Variants in USP25 observed in about 807,000 individuals in gnomAD.
The protein encoded by USP25 is ubiquitin specific peptidase 25.
In USP25, 85 loss-of-function variants were observed where a neutral mutation model predicts 158.5. The ratio of observed to expected loss-of-function variants is 0.54; its 90% CI spans 0.45 to 0.64. The LOEUF (loss-of-function observed/expected upper bound fraction) is 0.64, where lower values mean the gene tolerates loss of function less well. USP25 is among the 30% of genes least tolerant of loss of function. The pLI is 0.00. For synonymous variants in USP25, 464 were observed against 460.4 expected (o/e 1.01, Z -0.10); for missense variants, 1,242 against 1,327.3 (o/e 0.94, Z 1.00).
rs1013278716 is a variant in USP25 at position 15,843,392 on chromosome 21, C to G, written c.2337+852C>G. 1.3e-5 allele frequency among the ~76,000 whole-genome samples: 2 copies of G among 152,056 alleles called. No individual in the cohort carries two copies. Among genetic ancestry groups the G allele is most frequent in the Non-Finnish European group, 2.9e-5 (2 of 67,988 alleles). On this transcript the variant is annotated intron_variant, in intron 18 of 25. Transcript: ENST00000400183. The surrounding 1 kb of genome is among the most constrained non-coding windows in gnomAD (Gnocchi z 4.0). The stretch of plus-strand genomic sequence containing the variant: ...TTCTGCTTAGTAAGTGAATTCAGTG[C>G]CAGCAATAACCTGCTAATTGCAATG...
chr21:15,810,988 A>G (rs1009803623), intron 8 of USP25, 149 bp from the exon 9 acceptor site: 2 of 633,978 alleles, frequency 3.2e-6, no homozygotes, highest in Admixed American at 3.1e-5. Flanking sequence ...ACCTTGTGCA[A>G]CGTGGCACTG....
rs1309141938 is a variant in USP25, at chr21:15,878,355, T to A, written c.3258T>A (p.Ser1086=). 1 of 1,614,110 alleles carries A rather than the reference T, an allele frequency of 6.2e-7. No individual in the cohort carries two copies. The highest frequency in any genetic ancestry group is 1.1e-5 in the South Asian group (1 of 91,068). ...TTTTGCCAAAACTGCTTGATTGTTC[T>A]ATGGAGATTAAAAGTTTCCATGAGC... The part of the protein sequence containing the change: ...TDFLPKLLDC[S]MEIKSFHEPP... Residue 1086 remains serine (S), a synonymous_variant, in exon 26 of 26, where the codon TCT becomes TCA. Coordinates refer to ENST00000400183, the MANE Select transcript of USP25 (RefSeq NM_001283041.3).
chr21:15,742,312 A>G (rs564644590), intron 1 of USP25, among the ~76,000 whole-genome samples: 16 of 152,166 alleles, frequency 1.1e-4, no homozygotes, highest in Middle Eastern at 6.8e-3. Context: ...AGTGGGATAG[A>G]TGTGCTGGGG....
chr21:15,873,080 C>T (rs1196277921), intron 23 of USP25, among the ~76,000 whole-genome samples: 4 of 151,874 alleles, frequency 2.6e-5, no homozygotes, highest in South Asian at 4.2e-4. Context: ...AAAAGTAATT[C>T]TTTATTAAAT....
rs888286897 is a variant in USP25 at position 15,766,720 on chromosome 21, T to G, written c.268+579T>G. Among the ~76,000 whole-genome samples, 9 of 152,208 alleles carry G rather than the reference T, an allele frequency of 5.9e-5. No homozygotes were observed. The highest frequency in any genetic ancestry group is 1.3e-4 in the Non-Finnish European group (9 of 67,942). Reference sequence around the variant, plus strand: ...GGGACTTAAGTTTTTCTTCATAATATGAATACTTTATACTTATGTAGCGCA... The same window carrying G: ...GGGACTTAAGTTTTTCTTCATAATAGGAATACTTTATACTTATGTAGCGCA... On this transcript the variant is annotated intron_variant, in intron 3 of 25. Transcript: ENST00000400183. This position sits in a 1 kb window ranked among gnomAD's most constrained non-coding sequence, Gnocchi z 4.0.
intron 23 of USP25, among the ~76,000 whole-genome samples, chr21:15,870,769 A>G (rs775745950): frequency 2.0e-5 from 3 of 152,184 alleles, no homozygotes; most frequent in Admixed American, 2.0e-4. Flanking sequence ...TGCAGTGTAT[A>G]TTGCAGCCAA....
chr21:15,819,769 CA>C (rs2037136522), intron 10 of USP25, among the ~76,000 whole-genome samples: 1 of 152,050 alleles, frequency 6.6e-6, no homozygotes, highest in African/African-American at 2.4e-5. Flanking sequence ...TTTTTGAGAA[CA>C]AATTGCTTTT....
At chr21:15,807,385 T>C (rs1248548583) in intron 7 of USP25, among the ~76,000 whole-genome samples, 1 of 152,246 alleles carries the variant, frequency 6.6e-6, no homozygotes, top group Non-Finnish European at 1.5e-5. Context: ...TTAAGTGAAT[T>C]AAAGTTATAC....
chr21:15,730,581 C>A (rs1343018403), intron 1 of USP25, 143 bp downstream of exon 1: 4 of 1,019,630 alleles, frequency 3.9e-6, no homozygotes, highest in Non-Finnish European at 5.0e-6. Flanking sequence ...CCCATCGCCT[C>A]GGGGGCGTCG....
At chr21:15,748,153 A>G (rs1239605443) in intron 1 of USP25, among the ~76,000 whole-genome samples, 3 of 152,212 alleles carry the variant, frequency 2.0e-5, no homozygotes, top group Non-Finnish European at 2.9e-5. Context: ...CCTCTGGAGA[A>G]CCAGCGACTT....
chr21:15,745,473 C>CT (rs11284817), intron 1 of USP25, among the ~76,000 whole-genome samples: 1,433 of 113,014 alleles, frequency 0.013, 25 homozygotes, highest in Middle Eastern at 0.033. Context: ...TTTTTCTTTT[C>CT]TTTTTTTTTT....
At chr21:15,762,782 T>A in intron 1 of USP25, 109 bp from the exon 2 acceptor site, 1 of 992,308 alleles carries the variant, frequency 1.0e-6, no homozygotes, top group Non-Finnish European at 1.5e-6. Context: ...TCTAGTTTAC[T>A]TTATTCTGTT....
At chr21:15,814,315 C>G (rs1180168093) in intron 9 of USP25, among the ~76,000 whole-genome samples, 1 of 151,630 alleles carries the variant, frequency 6.6e-6, no homozygotes, top group Non-Finnish European at 1.5e-5. Flanking sequence ...TCTTTATTAG[C>G]AGCTTGAGAA....
At chr21:15,807,295 G>A (rs2036440357) in intron 7 of USP25, among the ~76,000 whole-genome samples, 1 of 152,084 alleles carries the variant, frequency 6.6e-6, no homozygotes, top group African/African-American at 2.4e-5. Context: ...ATTTTAGATT[G>A]ATTTCTAAGA....
chr21:15,792,835 A>G (rs1390431173), intron 5 of USP25, among the ~76,000 whole-genome samples: 1 of 151,632 alleles, frequency 6.6e-6, no homozygotes, highest in Non-Finnish European at 1.5e-5. Context: ...GTAATATGCT[A>G]TGTTATTGGC....
At chr21:15,873,063 T>C (rs1235472790) in intron 23 of USP25, among the ~76,000 whole-genome samples, 1 of 152,110 alleles carries the variant, frequency 6.6e-6, no homozygotes, top group Non-Finnish European at 1.5e-5. Flanking sequence ...AAGGATAGTT[T>C]TGAGGTAAAA....
At chr21:15,872,462 A>T (rs1042780632) in intron 23 of USP25, among the ~76,000 whole-genome samples, 2 of 152,226 alleles carry the variant, frequency 1.3e-5, no homozygotes, top group South Asian at 4.1e-4. Context: ...TTCAGGAGAG[A>T]TCTTCTTAAC....
intron 4 of USP25, among the ~76,000 whole-genome samples, chr21:15,785,434 C>G (rs564829281): frequency 6.6e-6 from 1 of 152,260 alleles, no homozygotes; most frequent in African/African-American, 2.4e-5. Context: ...ATGGAATATT[C>G]TCCAGTAAAG....
intron 1 of USP25, among the ~76,000 whole-genome samples, chr21:15,755,017 G>A (rs1165717920): frequency 2.0e-5 from 3 of 152,204 alleles, no homozygotes; most frequent in Non-Finnish European, 4.4e-5. Context: ...AATCAGGTGT[G>A]TGTGTGATTA....
Sources: allele counts gnomAD v4.1 joint callset (sites outside exome capture counted in the v4.1 genomes callset), GRCh38; gene constraint gnomAD v4.1.1; non-coding constraint Gnocchi (gnomAD v3.1); transcripts MANE v1.5; gene names NCBI Gene and HGNC (gene_info 2026-07-23, HGNC 2026-07-21).